FARP1: variants seen among roughly 807,000 people sequenced by gnomAD.
The protein encoded by FARP1 is FERM, ARHGEF and pleckstrin domain-containing protein 1.
In FARP1, 52 loss-of-function variants were observed where a neutral mutation model predicts 128.8. The observed-to-expected ratio is 0.40, with a 90% CI of 0.32 to 0.51. The LOEUF (loss-of-function observed/expected upper bound fraction) is 0.51. FARP1 is among the 20% of genes least tolerant of loss of function. The pLI, the probability that FARP1 is intolerant of heterozygous loss-of-function variation, is 0.45. For missense variants in FARP1, 1,333 were observed against 1,367.9 expected (o/e 0.97, Z 0.40); for synonymous variants, 580 against 551.8 (o/e 1.05, Z -0.72).
chr13:98,358,164 C>T (rs1467158804), intron 3 of FARP1, among the ~76,000 whole-genome samples: 1 of 151,288 alleles, frequency 6.6e-6, no homozygotes, highest in Non-Finnish European at 1.5e-5. Context: ...TATCTCTCTA[C>T]TCCCTGGTAC....
chr13:98,276,981 A>G (rs1329112717), intron 2 of FARP1, among the ~76,000 whole-genome samples: 1 of 152,206 alleles, frequency 6.6e-6, no homozygotes, highest in African/African-American at 2.4e-5. Flanking sequence ...TTTTGATTGC[A>G]AAAGGTGATT....
At chr13:98,282,748 C>A (rs1300418949) in intron 2 of FARP1, among the ~76,000 whole-genome samples, 1 of 151,926 alleles carries the variant, frequency 6.6e-6, no homozygotes, top group Non-Finnish European at 1.5e-5. Context: ...ACTAAAAATA[C>A]AAAAATTAGC....
intron 3 of FARP1, among the ~76,000 whole-genome samples, chr13:98,362,622 C>T (rs1888918722): frequency 6.6e-6 from 1 of 152,238 alleles, no homozygotes; most frequent in Admixed American, 6.5e-5. Flanking sequence ...CCGTCTTATC[C>T]TCCATGGAGT....
At chr13:98,440,515 G>A (rs1355524331) in intron 23 of FARP1, among the ~76,000 whole-genome samples, 155 bp from the exon 24 acceptor site, 1 of 152,196 alleles carries the variant, frequency 6.6e-6, no homozygotes, top group Non-Finnish European at 1.5e-5. Flanking sequence ...TCTGTGACTG[G>A]AGCTGCAGGG....
intron 2 of FARP1, chr13:98,244,784 G>A: frequency 6.3e-7 from 1 of 1,579,076 alleles, no homozygotes. Flanking sequence ...AAATTCAAAG[G>A]TGACATTAAC....
chr13:98,372,152 T>A lies in FARP1; in HGVS notation c.398+3957T>A, dbSNP rs532966003. ...CCCAGGCTGGAGTGCAATGGCACGATCTTGGCTCACTGCAACCTCCGCCTC... is the reference window on the plus strand; with the variant it reads ...CCCAGGCTGGAGTGCAATGGCACGAACTTGGCTCACTGCAACCTCCGCCTC... On this transcript the variant is annotated intron_variant, in intron 5 of 26. Transcript: ENST00000319562. 1.2e-4 allele frequency among the ~76,000 whole-genome samples: 17 copies of A among 144,590 alleles called. No individual in the cohort carries two copies. In the East Asian group the frequency reaches 3.3e-3, roughly 28 times the overall value. 94.9% of individuals were successfully genotyped at this position (144,590 alleles called of 152,430 possible).
rs116317692 is a variant in FARP1, at chr13:98,285,807, A to G, written c.172-57955A>G. Among the ~76,000 whole-genome samples the G allele has an allele frequency of 1.8e-3, 274 of 152,304 alleles. 1 individual carries two copies. Among genetic ancestry groups the G allele is most frequent in the African/African-American group, 6.2e-3 (257 of 41,570 alleles). ...TAAGAAGACAAGTTGTTGCTTTTCA[A>G]CCATCGTTTGGGAGTAACAGTGAAC... On this transcript the variant is annotated intron_variant, in intron 2 of 26. Coordinates refer to ENST00000319562, the MANE Select transcript of FARP1 (RefSeq NM_005766.4).
At chr13:98,251,423 C>T (rs529762667) in intron 2 of FARP1, among the ~76,000 whole-genome samples, 3 of 152,288 alleles carry the variant, frequency 2.0e-5, no homozygotes, top group East Asian at 1.9e-4. Context: ...ATTCTTACGC[C>T]TGTAATCCCA....
In FARP1 at chr13:98,282,816, G is replaced by A. The variant is rs567439523; in HGVS notation, c.172-60946G>A. ...CTCAGGAGGCTGAGGCAGGAGAATC[G>A]CTTGAACCCAGGAGGTGAAGGTTGC... On this transcript the variant is annotated intron_variant, in intron 2 of 26. Coordinates refer to ENST00000319562, the MANE Select transcript of FARP1 (RefSeq NM_005766.4). 3.3e-5 allele frequency among the ~76,000 whole-genome samples: 5 copies of A among 152,138 alleles called. No homozygotes were observed. The East Asian group carries it at 9.6e-4, about 29-fold the overall frequency.
chr13:98,167,140 T>C (rs1284974655), intron 1 of FARP1, among the ~76,000 whole-genome samples: 1 of 152,228 alleles, frequency 6.6e-6, no homozygotes, highest in Non-Finnish European at 1.5e-5. Flanking sequence ...ATCCTTCTAC[T>C]CCCTGTTCCT....
chr13:98,184,579 A>T (rs1445086791), intron 1 of FARP1, among the ~76,000 whole-genome samples: 2 of 152,222 alleles, frequency 1.3e-5, no homozygotes, highest in Non-Finnish European at 2.9e-5. Flanking sequence ...TTAAGGAAGT[A>T]CGACTCTACA....
At chr13:98,428,265 A>G (rs1891862382) in intron 17 of FARP1, among the ~76,000 whole-genome samples, 1 of 152,186 alleles carries the variant, frequency 6.6e-6, no homozygotes, top group Non-Finnish European at 1.5e-5. Flanking sequence ...CAGACGCACA[A>G]AAACGCTTGG....
At chr13:98,165,709 GGTTTTTTTTTTTTTT>G (rs1566685787) in intron 1 of FARP1, among the ~76,000 whole-genome samples, 2 of 102,404 alleles carry the variant, frequency 2.0e-5, no homozygotes, top group Non-Finnish European at 4.0e-5. Context: ...TTCCAGAAGG[GGTTTTTTTTTTTTTT>G]TTTTTTTTTT....
chr13:98,393,746 C>T lies in FARP1; in HGVS notation c.1164+28C>T, dbSNP rs1890401973. 5.1e-6 allele frequency: 8 copies of T among 1,565,614 alleles called. No homozygotes were observed. The East Asian group carries it at 1.6e-4, about 31-fold the overall frequency. ...CAGTGATGGCGCTGTCCTATGATAA[C>T]TCTGCTTTTCCCCACACTTCCTCCA... On this transcript the variant is annotated intron_variant, in intron 12 of 26. Transcript: ENST00000319562.
At chr13:98,345,064 AAG>A (rs1288086137) in intron 3 of FARP1, among the ~76,000 whole-genome samples, 3 of 152,232 alleles carry the variant, frequency 2.0e-5, no homozygotes, top group Non-Finnish European at 2.9e-5. Flanking sequence ...ACAGCTTCTG[AAG>A]AGAGTCCAGG....
At chr13:98,318,950 G>GTTTTTTTTTTTTTTGT (rs1886865855) in intron 2 of FARP1, among the ~76,000 whole-genome samples, 1 of 120,684 alleles carries the variant, frequency 8.3e-6, no homozygotes, top group African/African-American at 3.2e-5. Context: ...GTTTTTTCTT[G>GTTTTTTTTTTTTTTGT]TTTTTTTTTT....
chr13:98,398,939 A>G (rs1438676104), intron 13 of FARP1: 2 of 152,218 alleles, frequency 1.3e-5, no homozygotes, highest in Non-Finnish European at 2.9e-5. Flanking sequence ...CGCTTCAATC[A>G]TTATTTTGTT....
chr13:98,447,980 A>T, intron 26 of FARP1: 1 of 532,506 alleles, frequency 1.9e-6, no homozygotes. Flanking sequence ...CTCGCTCCTA[A>T]CTGCTCCAAT....
At chr13:98,285,578 T>A (rs542456408) in intron 2 of FARP1, among the ~76,000 whole-genome samples, 1 of 152,320 alleles carries the variant, frequency 6.6e-6, no homozygotes, top group East Asian at 1.9e-4. Context: ...TGGATCCTGG[T>A]TGTAATGAAA....
Sources: gnomAD v4.1 joint callset for allele counts (sites outside exome capture counted in the v4.1 genomes callset) on GRCh38, gnomAD v4.1.1 for gene constraint, MANE v1.5 for transcripts, NCBI Gene and HGNC (gene_info 2026-07-23, HGNC 2026-07-21) for gene names.